The following RREB1 variants were observed in gnomAD, a reference collection of about 807,000 sequenced individuals.
RREB1 encodes the protein ras-responsive element-binding protein 1.
A neutral mutation model predicts 117.8 loss-of-function variants in RREB1; 27 were observed. The ratio of observed to expected loss-of-function variants is 0.23; its 90% CI spans 0.17 to 0.32. RREB1 has a LOEUF of 0.32. Among genes scored for constraint, RREB1 ranks in the 10% least tolerant of loss-of-function variants. RREB1 has a pLI of 1.00. For synonymous variants in RREB1, 1,298 were observed against 1,026.7 expected (o/e 1.26, Z -5.05); for missense variants, 2,577 against 2,378.2 (o/e 1.08, Z -1.74).
chr6:7,201,277 C>T (rs1765962116), intron 6 of RREB1, among the ~76,000 whole-genome samples: 1 of 152,192 alleles, frequency 6.6e-6, no homozygotes, highest in African/African-American at 2.4e-5. Flanking sequence ...TGACTTCCAG[C>T]ATTAGATCAC....
intron 8 of RREB1, chr6:7,217,187 A>G (rs1561786400): frequency 6.6e-6 from 1 of 152,220 alleles, no homozygotes; most frequent in South Asian, 2.1e-4. Context: ...CTGAGGAGAG[A>G]AGAATGTGTG....
intron 1 of RREB1, among the ~76,000 whole-genome samples, chr6:7,172,687 G>A (rs542556589): frequency 3.5e-5 from 5 of 142,450 alleles, no homozygotes; most frequent in East Asian, 2.0e-4. Context: ...ACGGGTTGCC[G>A]GTGTGGGGGG....
At chr6:7,181,763 G>T in intron 3 of RREB1, 107 bp from the exon 4 acceptor site, 1 of 799,152 alleles carries the variant, frequency 1.3e-6, no homozygotes, top group Non-Finnish European at 2.1e-6. Flanking sequence ...GACAGCGTTG[G>T]ATGTTTTTGA....
intron 1 of RREB1, among the ~76,000 whole-genome samples, chr6:7,117,304 AT>A (rs1561724243): frequency 6.7e-6 from 1 of 148,694 alleles, no homozygotes. Flanking sequence ...AGAGGTAGAT[AT>A]GTCTTCAGAA....
chr6:7,232,399 T>C (rs546333126), intron 10 of RREB1, among the ~76,000 whole-genome samples: 1 of 152,352 alleles, frequency 6.6e-6, no homozygotes, highest in Non-Finnish European at 1.5e-5. Flanking sequence ...CATGTCTTCT[T>C]AAAGAGAAAT....
At chr6:7,245,212 A>G (rs1437970339) in intron 11 of RREB1, among the ~76,000 whole-genome samples, 2 of 152,110 alleles carry the variant, frequency 1.3e-5, no homozygotes, top group African/African-American at 2.4e-5. Context: ...CCTGGCGAAC[A>G]TGATGAAACC....
At chr6:7,154,602 T>TTCAGTCATATGA (rs1763275717) in intron 1 of RREB1, among the ~76,000 whole-genome samples, 1 of 152,174 alleles carries the variant, frequency 6.6e-6, no homozygotes, top group Non-Finnish European at 1.5e-5. Flanking sequence ...AGTCATATGA[T>TTCAGTCATATGA]TTCAGTATTA....
At chr6:7,208,835 C>T (rs1194797432) in intron 6 of RREB1, among the ~76,000 whole-genome samples, 1 of 152,196 alleles carries the variant, frequency 6.6e-6, no homozygotes, top group Admixed American at 6.5e-5. Flanking sequence ...CAGGTTATAT[C>T]CTTAAGATTC....
At position 7,246,667 on chromosome 6, in the gene RREB1, C is replaced by T; in HGVS notation, c.4217C>T (p.Ala1406Val). 6.3e-7 allele frequency: 1 copy of T among 1,580,036 alleles called. No individual in the cohort carries two copies. The highest frequency in any genetic ancestry group is 8.6e-7 in the Non-Finnish European group (1 of 1,163,256). The change falls in exon 12 of 13, where the codon GCG becomes GTG. Residue 1406 changes from alanine (A) to valine (V), a missense_variant. Transcript: ENST00000379938. ...TEESTGDADG[A>V]EEDASSNQSL... The stretch of plus-strand genomic sequence containing the variant: ...GAGAGCACTGGGGACGCCGACGGCG[C>T]GGAAGAGGACGCGTCGAGCAACCAG...
chr6:7,186,503 C>T (rs1351826243), intron 4 of RREB1, among the ~76,000 whole-genome samples: 3 of 152,178 alleles, frequency 2.0e-5, no homozygotes, highest in Non-Finnish European at 4.4e-5. Flanking sequence ...CATCCCAACT[C>T]CAAATTACTG....
intron 1 of RREB1, among the ~76,000 whole-genome samples, chr6:7,142,288 G>C (rs1386337054): frequency 2.0e-5 from 3 of 151,222 alleles, no homozygotes; most frequent in Non-Finnish European, 4.4e-5. Context: ...GCCAGTTCTC[G>C]TGGCTTCCGC....
intron 6 of RREB1, 137 bp downstream of exon 6, chr6:7,189,459 C>A: frequency 1.2e-6 from 1 of 818,208 alleles, no homozygotes; most frequent in South Asian, 2.0e-5. Flanking sequence ...TATGGAAAAA[C>A]CAGAGATGCA....
intron 6 of RREB1, among the ~76,000 whole-genome samples, chr6:7,198,827 T>C (rs1356612453): frequency 6.6e-6 from 1 of 152,212 alleles, no homozygotes; most frequent in Non-Finnish European, 1.5e-5. Context: ...TCCCATTCCA[T>C]GATCATTCCA....
At chr6:7,235,077 A>C in intron 10 of RREB1, among the ~76,000 whole-genome samples, 1 of 152,242 alleles carries the variant, frequency 6.6e-6, no homozygotes, top group East Asian at 1.9e-4. Context: ...CCACATGCAT[A>C]GACACTGTAT....
intron 10 of RREB1, among the ~76,000 whole-genome samples, chr6:7,235,585 G>A (rs547472542): frequency 7.2e-5 from 11 of 152,306 alleles, no homozygotes; most frequent in African/African-American, 1.7e-4. Flanking sequence ...GATTTTAGGC[G>A]TGAGCCACGG....
intron 2 of RREB1, among the ~76,000 whole-genome samples, chr6:7,178,199 A>G (rs2113520867): frequency 6.6e-6 from 1 of 152,214 alleles, no homozygotes; most frequent in African/African-American, 2.4e-5. Context: ...CTAATATTGG[A>G]GTGATGTCAG....
At chr6:7,166,078 A>G (rs1400169068) in intron 1 of RREB1, among the ~76,000 whole-genome samples, 1 of 152,052 alleles carries the variant, frequency 6.6e-6, no homozygotes, top group East Asian at 1.9e-4. Context: ...TAGACCCCCC[A>G]GGGAGTGCAG....
At chr6:7,145,246 G>A (rs569637572) in intron 1 of RREB1, among the ~76,000 whole-genome samples, 61 of 152,308 alleles carry the variant, frequency 4.0e-4, no homozygotes, top group Non-Finnish European at 6.6e-4. Flanking sequence ...ATGTGTGGTC[G>A]CATGTTTTGG....
intron 1 of RREB1, among the ~76,000 whole-genome samples, chr6:7,117,902 A>G (rs1761485586): frequency 6.6e-6 from 1 of 152,044 alleles, no homozygotes; most frequent in Admixed American, 6.5e-5. Flanking sequence ...AAAAAGCAAA[A>G]AGAAGAAAAT....
Sources: allele counts gnomAD v4.1 joint callset (sites outside exome capture counted in the v4.1 genomes callset), GRCh38; gene constraint gnomAD v4.1.1; transcripts MANE v1.5; gene names NCBI Gene and HGNC (gene_info 2026-07-23, HGNC 2026-07-21).